Variants in ADAMTSL1 observed in about 807,000 individuals in gnomAD.
The protein encoded by ADAMTSL1 is ADAMTS-like protein 1.
Under a neutral mutation model 201.8 loss-of-function variants are expected in ADAMTSL1, and 126 were observed. The ratio of observed to expected loss-of-function variants is 0.62; its 90% CI spans 0.54 to 0.72. The LOEUF (loss-of-function observed/expected upper bound fraction) is 0.72, where lower values mean the gene tolerates loss of function less well. Among genes scored for constraint, ADAMTSL1 ranks in the 30% least tolerant of loss-of-function variants. The probability of loss-of-function intolerance (pLI) is 0.00; values close to 1 mark genes in which losing one functional copy is unlikely to be tolerated. For synonymous variants in ADAMTSL1, 1,121 were observed against 903.4 expected, an observed-to-expected ratio of 1.24 and a Z score of -4.32; for missense variants, 2,679 against 2,277.8, an observed-to-expected ratio of 1.18 and a Z score of -3.59.
intron 2 of ADAMTSL1, among the ~76,000 whole-genome samples, chr9:18,228,169 A>T (rs1331629588): frequency 6.6e-6 from 1 of 152,180 alleles, no homozygotes; most frequent in East Asian, 1.9e-4. Flanking sequence ...TAGAGAGAGG[A>T]TGTTGGCTTC....
chr9:18,773,793 G>C (rs1820829700), intron 17 of ADAMTSL1, among the ~76,000 whole-genome samples: 1 of 152,166 alleles, frequency 6.6e-6, no homozygotes, highest in Non-Finnish European at 1.5e-5. Context: ...TTTCTACTTA[G>C]CAGCCTTAAA....
At chr9:18,760,194 CTCACGCATCCT>C (rs1241236102) in intron 16 of ADAMTSL1, among the ~76,000 whole-genome samples, 2 of 152,176 alleles carry the variant, frequency 1.3e-5, no homozygotes, top group African/African-American at 4.8e-5. Flanking sequence ...CATTATGAGC[CTCACGCATCCT>C]TCACGCTTTG....
chr9:17,947,312 T>TATAC (rs369984863), intron 1 of ADAMTSL1, among the ~76,000 whole-genome samples: 1 of 143,318 alleles, frequency 7.0e-6, no homozygotes, highest in Non-Finnish European at 1.5e-5. Flanking sequence ...TATACACACA[T>TATAC]ACACACACAC....
Position 18,655,734 on chromosome 9 carries a change from G to C in ADAMTSL1, c.835-1905G>C, listed in dbSNP as rs952919889. ...TTTTTCATGAATCTTGTGTTTAAAT[G>C]AAAGTTTTTTTCTTATAACTTTCCA... On this transcript the variant is annotated intron_variant, in intron 7 of 28. Transcript: ENST00000380548. Among the ~76,000 whole-genome samples, 15 of 136,496 alleles carry C rather than the reference G, an allele frequency of 1.1e-4. No homozygotes were observed. The Admixed American group carries it at 1.1e-3, about 10-fold the overall frequency. The allele number at this position is 136,496 out of a possible 152,430, so 89.5% of individuals were successfully genotyped here.
intron 2 of ADAMTSL1, among the ~76,000 whole-genome samples, chr9:18,314,957 C>T (rs149571545): frequency 0.019 from 2,911 of 150,806 alleles, 87 homozygotes; most frequent in African/African-American, 0.065. Flanking sequence ...CTACCACGCC[C>T]GGCTAATTTT....
chr9:18,507,589 A>G (rs1817752423), intron 2 of ADAMTSL1, among the ~76,000 whole-genome samples: 1 of 152,102 alleles, frequency 6.6e-6, no homozygotes, highest in Admixed American at 6.5e-5. Flanking sequence ...TTACACACTT[A>G]TTTTCTAGAA....
intron 23 of ADAMTSL1, among the ~76,000 whole-genome samples, chr9:18,861,908 C>T (rs986828437): frequency 1.3e-5 from 2 of 152,178 alleles, no homozygotes; most frequent in Non-Finnish European, 2.9e-5. Context: ...CTTTACTTCC[C>T]TCACATTGTT....
At chr9:18,533,322 T>C in intron 3 of ADAMTSL1, 30 bp downstream of exon 3, 1 of 1,591,408 alleles carries the variant, frequency 6.3e-7, no homozygotes, top group Non-Finnish European at 8.6e-7. Context: ...ATTGTAATCA[T>C]GTATTTTTGT....
intron 1 of ADAMTSL1, among the ~76,000 whole-genome samples, chr9:18,157,891 A>T (rs1177297104): frequency 1.3e-5 from 2 of 151,972 alleles, no homozygotes; most frequent in Non-Finnish European, 2.9e-5. Flanking sequence ...ACCTGAAGCT[A>T]CTTCAAGCAT....
chr9:18,405,736 T>C (rs577278240), intron 2 of ADAMTSL1, among the ~76,000 whole-genome samples: 2 of 151,976 alleles, frequency 1.3e-5, no homozygotes, highest in Non-Finnish European at 2.9e-5. Flanking sequence ...TTTTATACAA[T>C]AATATGTTAT....
chr9:18,537,389 A>G (rs918387306), intron 3 of ADAMTSL1, among the ~76,000 whole-genome samples: 30 of 152,222 alleles, frequency 2.0e-4, no homozygotes, highest in African/African-American at 7.2e-4. Context: ...AAGGACAGCT[A>G]GTGCAAAGGC....
At chr9:18,376,631 C>T (rs545107918) in intron 2 of ADAMTSL1, among the ~76,000 whole-genome samples, 1 of 134,714 alleles carries the variant, frequency 7.4e-6, no homozygotes, top group East Asian at 2.6e-4. Flanking sequence ...ATGGTGAAAC[C>T]CCATCTCTAC....
intron 20 of ADAMTSL1, among the ~76,000 whole-genome samples, chr9:18,797,417 A>C (rs543319136): frequency 6.6e-6 from 1 of 152,360 alleles, no homozygotes; most frequent in South Asian, 2.1e-4. Flanking sequence ...ACCCTCTGCC[A>C]CATGTTGTGG....
intron 2 of ADAMTSL1, among the ~76,000 whole-genome samples, chr9:18,390,125 T>G (rs1193343471): frequency 1.3e-5 from 2 of 152,166 alleles, no homozygotes; most frequent in Non-Finnish European, 1.5e-5. Flanking sequence ...ATTGTATATA[T>G]TTATTAGAAG....
chr9:18,106,106 C>T (rs1039691627), intron 1 of ADAMTSL1, among the ~76,000 whole-genome samples: 6 of 152,164 alleles, frequency 3.9e-5, no homozygotes, highest in African/African-American at 1.4e-4. Context: ...CCCAATCTAT[C>T]ACTAAGGAGG....
At chr9:18,325,744 G>T (rs1297179423) in intron 2 of ADAMTSL1, among the ~76,000 whole-genome samples, 25 of 128,660 alleles carry the variant, frequency 1.9e-4, no homozygotes, top group African/African-American at 6.3e-4. Flanking sequence ...AAGGACCTTT[G>T]TTTTTTTTTT....
intron 20 of ADAMTSL1, among the ~76,000 whole-genome samples, chr9:18,816,179 ACT>A (rs1823838648): frequency 6.6e-6 from 1 of 152,072 alleles, no homozygotes; most frequent in Non-Finnish European, 1.5e-5. Context: ...CCACTATGCT[ACT>A]CTCTACTTCT....
At chr9:18,097,921 A>G (rs1824326080) in intron 1 of ADAMTSL1, among the ~76,000 whole-genome samples, 1 of 150,168 alleles carries the variant, frequency 6.7e-6, no homozygotes, top group East Asian at 2.0e-4. Context: ...AATGGTGAGG[A>G]TTTTTTCCTA....
intron 2 of ADAMTSL1, among the ~76,000 whole-genome samples, chr9:18,337,558 A>G (rs530302538): frequency 2.0e-4 from 31 of 152,320 alleles, no homozygotes; most frequent in Non-Finnish European, 3.4e-4. Flanking sequence ...AAACTGAGAC[A>G]CAGTGAAATT....
Sources: allele counts gnomAD v4.1 joint callset (sites outside exome capture counted in the v4.1 genomes callset), GRCh38; gene constraint gnomAD v4.1.1; transcripts MANE v1.5; gene names NCBI Gene and HGNC (gene_info 2026-07-23, HGNC 2026-07-21).